Variants in TNFSF4 observed in about 807,000 individuals in gnomAD.
TNFSF4 encodes TNF superfamily member 4.
TNFSF4 carries 4 observed loss-of-function variants against 7.3 expected under a neutral mutation model. The observed-to-expected ratio is 0.55, with a 90% confidence interval of 0.27 to 1.25. TNFSF4 has a LOEUF of 1.25. Among genes scored for constraint, TNFSF4 ranks in the 50% most tolerant of loss-of-function variants. TNFSF4 has a pLI of 0.12. For synonymous variants in TNFSF4, 76 were observed against 83.7 expected (o/e 0.91, Z 0.50); for missense variants, 181 against 208.8 (o/e 0.87, Z 0.82).
At chr1:173,441,380 T>C in the TNFSF4 span, among the ~76,000 whole-genome samples, 1 of 152,180 alleles carries the variant, frequency 6.6e-6, no homozygotes, top group Non-Finnish European at 1.5e-5. Flanking sequence ...CCCAGCACTT[T>C]GGGAGGCCAA....
At chr1:173,274,435 A>G in the TNFSF4 span, among the ~76,000 whole-genome samples, 2 of 152,134 alleles carry the variant, frequency 1.3e-5, no homozygotes, top group Non-Finnish European at 2.9e-5. Context: ...CAAAATGTAT[A>G]TGGATGTATA....
the TNFSF4 span, among the ~76,000 whole-genome samples, chr1:173,256,084 C>A: frequency 5.9e-5 from 9 of 152,268 alleles, no homozygotes; most frequent in South Asian, 1.9e-3. Flanking sequence ...GACAGCAATG[C>A]CTGATTTTGC....
At chr1:173,202,374 T>C (rs1649984387) in intron 1 of TNFSF4, among the ~76,000 whole-genome samples, 1 of 152,212 alleles carries the variant, frequency 6.6e-6, no homozygotes. Context: ...ATCTAAACAC[T>C]TCATTTAGAA....
the TNFSF4 span, among the ~76,000 whole-genome samples, chr1:173,419,519 C>G: frequency 1.3e-5 from 2 of 152,062 alleles, no homozygotes; most frequent in African/African-American, 4.8e-5. Context: ...AATTTCTTGT[C>G]TTTATAAATG....
chr1:173,402,921 C>T, the TNFSF4 span, among the ~76,000 whole-genome samples: 21 of 152,080 alleles, frequency 1.4e-4, no homozygotes, highest in African/African-American at 3.9e-4. Context: ...GGCACAATCA[C>T]GGCTCACCAC....
the TNFSF4 span, among the ~76,000 whole-genome samples, chr1:173,356,502 T>C: frequency 6.6e-6 from 1 of 152,184 alleles, no homozygotes; most frequent in Admixed American, 6.5e-5. Context: ...CACAAGACAG[T>C]GTGATCATTT....
At chr1:173,174,401 C>T in the TNFSF4 span, 2 of 152,200 alleles carry the variant, frequency 1.3e-5, no homozygotes, top group African/African-American at 4.8e-5. Flanking sequence ...TACAGTAGCA[C>T]CCCACTCTCT....
chr1:173,296,742 A>G, the TNFSF4 span, among the ~76,000 whole-genome samples: 4 of 152,032 alleles, frequency 2.6e-5, no homozygotes, highest in East Asian at 7.8e-4. Context: ...TCTTCTGACT[A>G]TTTTTCTTCT....
chr1:173,175,547 T>A, the TNFSF4 span: 1 of 152,198 alleles, frequency 6.6e-6, no homozygotes, highest in Non-Finnish European at 1.5e-5. Flanking sequence ...TTGTACTCCC[T>A]CATTCCTTCC....
At chr1:173,323,502 A>G in the TNFSF4 span, among the ~76,000 whole-genome samples, 1 of 152,236 alleles carries the variant, frequency 6.6e-6, no homozygotes, top group African/African-American at 2.4e-5. Context: ...AGTGGAATAA[A>G]ACTGGACAGA....
rs551686185 is a variant in TNFSF4 at position 173,186,669 on chromosome 1, C to T, written c.399G>A (p.Arg133=). Residue 133 remains arginine, a synonymous_variant, in exon 3 of 3, where the codon AGG becomes AGA. Coordinates refer to ENST00000281834, the MANE Select transcript of TNFSF4 (RefSeq NM_003326.5). ...EEPLFQLKKV[R]SVNSLMVASL... is the part of the protein sequence containing the mutation. ...AGGCCACCATCAAGGAGTTGACAGA[C>T]CTGACCTTCTTCAGTTGGAAGAGGG... is the stretch of plus-strand genomic sequence containing the variant. 3 of 1,614,152 alleles carry T rather than the reference C, an allele frequency of 1.9e-6. No individual in the cohort carries two copies. The highest frequency in any genetic ancestry group is 1.3e-5 in the African/African-American group (1 of 75,046).
At chr1:173,225,186 G>T in the TNFSF4 span, among the ~76,000 whole-genome samples, 1 of 152,170 alleles carries the variant, frequency 6.6e-6, no homozygotes, top group East Asian at 1.9e-4. Flanking sequence ...TAGTTTGAAT[G>T]TTTACAGAAG....
the TNFSF4 span, among the ~76,000 whole-genome samples, chr1:173,270,849 G>A: frequency 1.3e-5 from 2 of 152,080 alleles, no homozygotes; most frequent in Non-Finnish European, 2.9e-5. Flanking sequence ...GTCATAATCT[G>A]ACCAATGCAG....
At chr1:173,266,886 G>T in the TNFSF4 span, among the ~76,000 whole-genome samples, 1 of 152,066 alleles carries the variant, frequency 6.6e-6, no homozygotes, top group Non-Finnish European at 1.5e-5. Context: ...TGTTTGAATG[G>T]TTATTATCAT....
At chr1:173,358,098 C>T in the TNFSF4 span, among the ~76,000 whole-genome samples, 3 of 152,086 alleles carry the variant, frequency 2.0e-5, no homozygotes, top group Non-Finnish European at 4.4e-5. Flanking sequence ...CACAATGGTC[C>T]TTACAGAGAA....
chr1:173,228,778 C>T, the TNFSF4 span, among the ~76,000 whole-genome samples: 169 of 152,166 alleles, frequency 1.1e-3, no homozygotes, highest in African/African-American at 2.4e-3. Flanking sequence ...AACTAAGTGA[C>T]GAATGTGCAA....
chr1:173,262,433 C>T, the TNFSF4 span, among the ~76,000 whole-genome samples: 1 of 152,182 alleles, frequency 6.6e-6, no homozygotes, highest in South Asian at 2.1e-4. Context: ...GACAAGGATG[C>T]CTCCTCTCAC....
At chr1:173,384,687 T>G in the TNFSF4 span, among the ~76,000 whole-genome samples, 1 of 152,178 alleles carries the variant, frequency 6.6e-6, no homozygotes, top group Non-Finnish European at 1.5e-5. Flanking sequence ...TGAAACAAAT[T>G]TTTAATATAC....
chr1:173,342,097 A>C, the TNFSF4 span, among the ~76,000 whole-genome samples: 1 of 152,170 alleles, frequency 6.6e-6, no homozygotes, highest in African/African-American at 2.4e-5. Flanking sequence ...CTCCTACTGC[A>C]AGGGGGGAGG....
Sources: allele counts gnomAD v4.1 joint callset (sites outside exome capture counted in the v4.1 genomes callset), GRCh38; gene constraint gnomAD v4.1.1; transcripts MANE v1.5; gene names NCBI Gene and HGNC (gene_info 2026-07-23, HGNC 2026-07-21).